Variants in SLC16A10 observed in about 807,000 individuals in gnomAD.
SLC16A10 encodes the protein monocarboxylate transporter 10.
A neutral mutation model predicts 40.0 loss-of-function variants in SLC16A10; 27 were observed. That is an observed-to-expected ratio of 0.67 (90% CI 0.50 to 0.93). SLC16A10 has a LOEUF of 0.93. SLC16A10 is among the 40% of genes least tolerant of loss of function. SLC16A10 has a pLI of 0.00. For missense variants in SLC16A10, 529 were observed against 658.2 expected, an observed-to-expected ratio of 0.80 and a Z score of 2.15; for synonymous variants, 213 against 249.8, an observed-to-expected ratio of 0.85 and a Z score of 1.39.
At chr6:111,198,314 T>C (rs1046640168) in intron 3 of SLC16A10, among the ~76,000 whole-genome samples, 44 of 152,216 alleles carry the variant, frequency 2.9e-4, no homozygotes, top group Admixed American at 1.3e-4. Context: ...ATTAAACTTA[T>C]AAAATTTAAT....
At chr6:111,181,576 A>G (rs1772792173) in intron 3 of SLC16A10, among the ~76,000 whole-genome samples, 2 of 152,200 alleles carry the variant, frequency 1.3e-5, no homozygotes, top group Admixed American at 1.3e-4. Context: ...CTGATCTTTG[A>G]TCAACTAGGG....
chr6:111,211,452 C>T (rs1212837206), intron 4 of SLC16A10, among the ~76,000 whole-genome samples: 1 of 152,216 alleles, frequency 6.6e-6, no homozygotes, highest in East Asian at 1.9e-4. Flanking sequence ...AAATATTTCA[C>T]TTTAGATGAA....
intron 4 of SLC16A10, among the ~76,000 whole-genome samples, chr6:111,210,689 G>C (rs1229172748): frequency 6.6e-6 from 1 of 152,094 alleles, no homozygotes; most frequent in East Asian, 1.9e-4. Flanking sequence ...AAGTTAGAGT[G>C]GGTCAGATTA....
intron 2 of SLC16A10, among the ~76,000 whole-genome samples, chr6:111,174,571 T>A (rs897312697): frequency 4.6e-5 from 7 of 152,218 alleles, no homozygotes; most frequent in Non-Finnish European, 8.8e-5. Flanking sequence ...TTATTTGGAA[T>A]AAGATTCTTG....
intron 1 of SLC16A10, among the ~76,000 whole-genome samples, chr6:111,120,790 G>A (rs1771569751): frequency 6.6e-6 from 1 of 152,194 alleles, no homozygotes; most frequent in African/African-American, 2.4e-5. Flanking sequence ...TTGTCTCGAT[G>A]TCCCAATCAT....
intron 3 of SLC16A10, among the ~76,000 whole-genome samples, chr6:111,189,420 C>A (rs1307125944): frequency 6.6e-6 from 1 of 152,050 alleles, no homozygotes; most frequent in South Asian, 2.1e-4. Flanking sequence ...ATTTTTTTAT[C>A]CAACTTATTT....
chr6:111,170,092 A>C, intron 1 of SLC16A10, among the ~76,000 whole-genome samples: 1 of 151,636 alleles, frequency 6.6e-6, no homozygotes, highest in Non-Finnish European at 1.5e-5. Flanking sequence ...TAATTTTTGT[A>C]TTTTTAGTAG....
At chr6:111,140,371 G>A (rs1025580519) in intron 1 of SLC16A10, among the ~76,000 whole-genome samples, 13 of 152,178 alleles carry the variant, frequency 8.5e-5, no homozygotes, top group African/African-American at 2.9e-4. Flanking sequence ...ACTGAGCTGG[G>A]AGGATGGCTT....
intron 1 of SLC16A10, among the ~76,000 whole-genome samples, chr6:111,168,011 A>C: frequency 1.4e-5 from 2 of 144,704 alleles, no homozygotes; most frequent in African/African-American, 2.6e-5. Flanking sequence ...ACAGAGTCTT[A>C]CTCTCTTGCC....
At chr6:111,175,001 T>A (rs974867134) in intron 2 of SLC16A10, among the ~76,000 whole-genome samples, 2 of 152,206 alleles carry the variant, frequency 1.3e-5, no homozygotes, top group Non-Finnish European at 2.9e-5. Flanking sequence ...TAAATTTCGT[T>A]ATTTAGCTTG....
At chr6:111,143,281 G>A (rs1187302572) in intron 1 of SLC16A10, among the ~76,000 whole-genome samples, 2 of 151,828 alleles carry the variant, frequency 1.3e-5, no homozygotes, top group South Asian at 2.1e-4. Context: ...TTGCTGTGTT[G>A]CCCAGGCTGG....
intron 1 of SLC16A10, among the ~76,000 whole-genome samples, chr6:111,146,110 A>G (rs1438985391): frequency 6.6e-6 from 1 of 152,228 alleles, no homozygotes; most frequent in Non-Finnish European, 1.5e-5. Flanking sequence ...CAACTCAGCA[A>G]TAAAAAGACA....
intron 3 of SLC16A10, 24 bp from the exon 4 acceptor site, chr6:111,206,568 G>C (rs1163649447): frequency 1.2e-6 from 2 of 1,613,412 alleles, no homozygotes; most frequent in Non-Finnish European, 1.7e-6. Context: ...TATTCAGTGT[G>C]GTTTCTTTCT....
At chr6:111,200,689 C>T (rs558524089) in intron 3 of SLC16A10, among the ~76,000 whole-genome samples, 2 of 152,324 alleles carry the variant, frequency 1.3e-5, no homozygotes, top group East Asian at 3.9e-4. Context: ...TTGCAACAAA[C>T]TCAGATTATC....
Position 111,144,148 on chromosome 6 carries a change from T to TA in SLC16A10, c.344-28538dup, listed in dbSNP as rs993111856. Among the ~76,000 whole-genome samples the TA allele has an allele frequency of 2.7e-3, 406 of 150,946 alleles. 2 individuals are homozygous for TA. Among genetic ancestry groups the TA allele is most frequent in the African/African-American group, 8.9e-3 (367 of 41,222 alleles). ...TTTACTGTGAATCCAAAACTGCTCTTAAAAAAAAAGGTCTTAAAAAATAAA... is the reference window on the plus strand; with the variant it reads ...TTTACTGTGAATCCAAAACTGCTCTTAAAAAAAAAAGGTCTTAAAAAATAAA... On this transcript the variant is annotated intron_variant, in intron 1 of 5. Transcript: ENST00000368851.
chr6:111,141,508 C>T lies in SLC16A10; in HGVS notation c.344-31187C>T, dbSNP rs530369378. 4.6e-5 allele frequency among the ~76,000 whole-genome samples: 7 copies of T among 152,028 alleles called. No homozygotes were observed. The South Asian group carries it at 1.5e-3, about 32-fold the overall frequency. The stretch of plus-strand genomic sequence containing the variant: ...AAAAACCCCATCTCTCCCAAAAATA[C>T]AAAATAAGTTGGGTGTGGTGGTGCA... On this transcript the variant is annotated intron_variant, in intron 1 of 5. Transcript: ENST00000368851.
chr6:111,173,086 T>C (rs569804773), intron 2 of SLC16A10, among the ~76,000 whole-genome samples: 1 of 152,304 alleles, frequency 6.6e-6, no homozygotes, highest in South Asian at 2.1e-4. Flanking sequence ...TCTTGGTGCA[T>C]GGAAAAATGT....
chr6:111,165,100 T>G (rs1772447978), intron 1 of SLC16A10, among the ~76,000 whole-genome samples: 1 of 152,182 alleles, frequency 6.6e-6, no homozygotes, highest in South Asian at 2.1e-4. Context: ...TTGTCCAATC[T>G]CCTAATTAGA....
intron 1 of SLC16A10, among the ~76,000 whole-genome samples, chr6:111,114,054 A>C (rs560625566): frequency 1.3e-5 from 2 of 152,194 alleles, no homozygotes; most frequent in African/African-American, 2.4e-5. Context: ...ATACAGATCA[A>C]ACAAGCAGGG....
Sources: allele counts gnomAD v4.1 joint callset (sites outside exome capture counted in the v4.1 genomes callset), GRCh38; gene constraint gnomAD v4.1.1; transcripts MANE v1.5; gene names NCBI Gene and HGNC (gene_info 2026-07-23, HGNC 2026-07-21).